The following CADM1 variants were observed in gnomAD, a reference collection of about 807,000 sequenced individuals.
The protein encoded by CADM1 is cell adhesion molecule 1, also known as TSLC-1.
CADM1 carries 15 observed loss-of-function variants against 53.1 expected under a neutral mutation model. That is an observed-to-expected ratio of 0.28 (90% CI 0.19 to 0.44). The LOEUF is 0.44. CADM1 is among the 20% of genes least tolerant of loss of function. The pLI is 1.00. For missense variants in CADM1, 434 were observed against 611.3 expected, an observed-to-expected ratio of 0.71 and a Z score of 3.06; for synonymous variants, 281 against 243.0, an observed-to-expected ratio of 1.16 and a Z score of -1.45.
chr11:115,453,992 T>C (rs747683660), intron 1 of CADM1, among the ~76,000 whole-genome samples: 2 of 151,662 alleles, frequency 1.3e-5, no homozygotes, highest in Non-Finnish European at 2.9e-5. Context: ...TCATTTGACA[T>C]GAGAATAGAG....
chr11:115,227,085 G>A (rs1281487000), intron 5 of CADM1, among the ~76,000 whole-genome samples: 1 of 152,128 alleles, frequency 6.6e-6, no homozygotes, highest in Admixed American at 6.6e-5. Context: ...TAAAATATTT[G>A]TATGATTTTC....
chr11:115,306,315 T>A lies in CADM1; in HGVS notation c.125-65895A>T, dbSNP rs1161058276. Among the ~76,000 whole-genome samples, 6 of 152,142 alleles carry A rather than the reference T, an allele frequency of 3.9e-5. No individual in the cohort carries two copies. The East Asian group carries it at 9.7e-4, about 25-fold the overall frequency. ...GTAGCGTAGGAGCAATAGGCCATAC[T>A]ATAAAGCCTAGGAGTGTAGTAGACT... On this transcript the variant is annotated intron_variant, in intron 1 of 11. Transcript: ENST00000331581.
chr11:115,407,296 G>C (rs1947341107), intron 1 of CADM1, among the ~76,000 whole-genome samples: 1 of 152,134 alleles, frequency 6.6e-6, no homozygotes, highest in African/African-American at 2.4e-5. Flanking sequence ...AATTTCACAA[G>C]GCAAAATAAT....
intron 1 of CADM1, among the ~76,000 whole-genome samples, chr11:115,470,617 T>C (rs1444729384): frequency 6.6e-6 from 1 of 151,832 alleles, no homozygotes; most frequent in Non-Finnish European, 1.5e-5. Context: ...ACCAGAACCA[T>C]GAAATGCCAT....
chr11:115,289,593 C>CTTTTTTTTTTTTTT (rs56766047), intron 1 of CADM1, among the ~76,000 whole-genome samples: 2 of 109,032 alleles, frequency 1.8e-5, no homozygotes, highest in Non-Finnish European at 1.9e-5. Context: ...CTTTTTTTTT[C>CTTTTTTTTTTTTTT]TTTTTTTTTT....
intron 9 of CADM1, among the ~76,000 whole-genome samples, chr11:115,192,360 T>G (rs1362855451): frequency 6.6e-6 from 1 of 152,216 alleles, no homozygotes. Context: ...ATTCCCAAAC[T>G]ATAGATTTAG....
At chr11:115,235,608 T>TTACGCCTAC in intron 3 of CADM1, among the ~76,000 whole-genome samples, 1 of 152,274 alleles carries the variant, frequency 6.6e-6, no homozygotes, top group East Asian at 1.9e-4. Context: ...ATTATAAACA[T>TTACGCCTAC]TACGCCTACA....
intron 1 of CADM1, among the ~76,000 whole-genome samples, chr11:115,357,785 GTTTAATATAGTATTAAACTATA>G (rs1285117600): frequency 2.0e-5 from 3 of 148,448 alleles, no homozygotes; most frequent in African/African-American, 7.3e-5. Flanking sequence ...ATTAAACTAT[GTTTAATATAGTATTAAACTATA>G]TTCAAACTAT....
At chr11:115,244,539 A>G (rs538510807) in intron 1 of CADM1, among the ~76,000 whole-genome samples, 1 of 152,334 alleles carries the variant, frequency 6.6e-6, no homozygotes, top group Non-Finnish European at 1.5e-5. Context: ...TGGAGTTTTC[A>G]GTATCCCCGC....
intron 1 of CADM1, among the ~76,000 whole-genome samples, chr11:115,473,738 A>C (rs1162192547): frequency 1.3e-5 from 2 of 152,196 alleles, no homozygotes; most frequent in African/African-American, 2.4e-5. Flanking sequence ...TAAAACTTTT[A>C]GGAAAAAAAA....
At chr11:115,358,748 G>A (rs984491720) in intron 1 of CADM1, among the ~76,000 whole-genome samples, 9 of 152,074 alleles carry the variant, frequency 5.9e-5, no homozygotes, top group East Asian at 5.8e-4. Context: ...TCTACTGTAC[G>A]TAGACCTGTA....
chr11:115,431,742 C>T (rs966672829), intron 1 of CADM1, among the ~76,000 whole-genome samples: 2 of 151,898 alleles, frequency 1.3e-5, no homozygotes, highest in Admixed American at 6.6e-5. Flanking sequence ...TCACACCAGC[C>T]CTTCATATCT....
At chr11:115,294,120 ATGGCTAC>A (rs1181104714) in intron 1 of CADM1, among the ~76,000 whole-genome samples, 5 of 152,174 alleles carry the variant, frequency 3.3e-5, no homozygotes. Context: ...CAATGCTCAG[ATGGCTAC>A]TGGCCAGGAA....
chr11:115,387,079 T>C (rs963213079), intron 1 of CADM1, among the ~76,000 whole-genome samples: 30 of 152,200 alleles, frequency 2.0e-4, no homozygotes, highest in African/African-American at 7.0e-4. Flanking sequence ...TCACTTGCCT[T>C]ATCTGTGAAC....
intron 1 of CADM1, among the ~76,000 whole-genome samples, chr11:115,425,439 T>C (rs1198101804): frequency 6.6e-6 from 1 of 152,192 alleles, no homozygotes; most frequent in Non-Finnish European, 1.5e-5. Context: ...TTGCACCCAC[T>C]TCAACAACAG....
At chr11:115,438,524 T>C (rs1297218064) in intron 1 of CADM1, among the ~76,000 whole-genome samples, 1 of 150,994 alleles carries the variant, frequency 6.6e-6, no homozygotes, top group Non-Finnish European at 1.5e-5. Flanking sequence ...TTGGGAAATG[T>C]AAAAAAAAAT....
intron 1 of CADM1, among the ~76,000 whole-genome samples, chr11:115,438,334 T>C (rs2135315276): frequency 6.6e-6 from 1 of 152,282 alleles, no homozygotes; most frequent in Middle Eastern, 3.4e-3. Flanking sequence ...GGATTAATTC[T>C]GTCTTTCAGT....
intron 1 of CADM1, among the ~76,000 whole-genome samples, chr11:115,400,897 G>A (rs920521560): frequency 6.6e-6 from 1 of 151,506 alleles, no homozygotes; most frequent in African/African-American, 2.4e-5. Context: ...CTGCTGGCAG[G>A]AAGGCAAAAT....
intron 1 of CADM1, among the ~76,000 whole-genome samples, chr11:115,264,669 C>T (rs191101511): frequency 6.6e-6 from 1 of 152,284 alleles, no homozygotes; most frequent in East Asian, 1.9e-4. Context: ...AGCTTTGTGA[C>T]CTTGAGTAAG....
Sources: gnomAD v4.1 joint callset for allele counts (sites outside exome capture counted in the v4.1 genomes callset) on GRCh38, gnomAD v4.1.1 for gene constraint, MANE v1.5 for transcripts, NCBI Gene and HGNC (gene_info 2026-07-23, HGNC 2026-07-21) for gene names.